SLC22A14: variants seen among roughly 807,000 people sequenced by gnomAD.
SLC22A14 encodes the protein solute carrier family 22 member 14, also known as organic cation transporter-like 4.
In SLC22A14, 50 loss-of-function variants were observed where a neutral mutation model predicts 53.9. That is an observed-to-expected ratio of 0.93 (90% confidence interval 0.74 to 1.17). The LOEUF (loss-of-function observed/expected upper bound fraction) is 1.17, where lower values mean the gene tolerates loss of function less well. Among genes scored for constraint, SLC22A14 ranks in the 50% most tolerant of loss-of-function variants. The pLI is 0.00. For synonymous variants in SLC22A14, 312 were observed against 303.0 expected, an observed-to-expected ratio of 1.03 and a Z score of -0.31; for missense variants, 671 against 734.7, an observed-to-expected ratio of 0.91 and a Z score of 1.00.
chr3:38,291,643 A>T (rs867803831), intron 1 of SLC22A14, among the ~76,000 whole-genome samples: 28 of 152,190 alleles, frequency 1.8e-4, no homozygotes, highest in African/African-American at 4.8e-4. Flanking sequence ...ATGCCACGGG[A>T]TGCAAGCTGA....
At chr3:38,283,854 T>C (rs532280353) in intron 1 of SLC22A14, among the ~76,000 whole-genome samples, 1 of 151,980 alleles carries the variant, frequency 6.6e-6, no homozygotes, top group African/African-American at 2.4e-5. Flanking sequence ...ACAACAACAA[T>C]AATAACAAAA....
Position 38,306,488 on chromosome 3 carries a change from A to G in SLC22A14, c.462A>G (p.Thr154=), listed in dbSNP as rs1189278593. The G allele has an allele frequency of 7.4e-6, 12 of 1,614,080 alleles. No homozygotes were observed. Among genetic ancestry groups the G allele is most frequent in the African/African-American group, 2.7e-5 (2 of 74,932 alleles). Residue 154 remains threonine, a synonymous_variant, in exon 2 of 11, where the codon ACA becomes ACG. Transcript: ENST00000448498. ...AGTTTGGCCTCAATGACACAGACAC[A>G]TGCCAAGATGGGTGGATCTATCCTG... The part of the protein sequence containing the change: ...IIQFGLNDTD[T]CQDGWIYPDA...
chr3:38,285,698 G>T (rs1485682257), intron 1 of SLC22A14, among the ~76,000 whole-genome samples: 2 of 152,156 alleles, frequency 1.3e-5, no homozygotes, highest in Non-Finnish European at 2.9e-5. Flanking sequence ...TTTCATTGAT[G>T]TGCATTTGGG....
chr3:38,305,615 G>A (rs576689819), intron 1 of SLC22A14: 258 of 173,368 alleles, frequency 1.5e-3, no homozygotes, highest in African/African-American at 5.8e-3. Flanking sequence ...CCACCTCCTG[G>A]CTACAGCCGA....
chr3:38,311,958 T>C (rs1313335137), intron 5 of SLC22A14, among the ~76,000 whole-genome samples: 1 of 152,212 alleles, frequency 6.6e-6, no homozygotes, highest in African/African-American at 2.4e-5. Context: ...TGAAGAAGTC[T>C]CAGTTTAATG....
chr3:38,311,231 A>G (rs1376530659), intron 5 of SLC22A14, among the ~76,000 whole-genome samples: 1 of 152,148 alleles, frequency 6.6e-6, no homozygotes, highest in African/African-American at 2.4e-5. Flanking sequence ...CCAATGTACT[A>G]TGGGTGCTGA....
chr3:38,311,653 A>G (rs549437941), intron 5 of SLC22A14, among the ~76,000 whole-genome samples: 5 of 152,274 alleles, frequency 3.3e-5, no homozygotes, highest in African/African-American at 1.2e-4. Context: ...ATCACTTACA[A>G]GTTCCTTCTT....
At chr3:38,288,312 A>G (rs370540512) in intron 1 of SLC22A14, among the ~76,000 whole-genome samples, 57 of 152,302 alleles carry the variant, frequency 3.7e-4, no homozygotes, top group African/African-American at 1.3e-3. Flanking sequence ...TATACACCAC[A>G]CTTTCTTTAT....
chr3:38,313,160 C>T lies in SLC22A14; in HGVS notation c.1065+41C>T, dbSNP rs565333643. The stretch of plus-strand genomic sequence containing the variant: ...CCAGGAGTGGGGCCGGAGCAGTGGG[C>T]TGTGGAAGGGCCCCTTCCCTCCTCA... On this transcript the variant is annotated intron_variant, in intron 6 of 10. Coordinates refer to ENST00000448498, the MANE Select transcript of SLC22A14 (RefSeq NM_001320033.2). 27 of 1,604,276 alleles carry T rather than the reference C, an allele frequency of 1.7e-5. No homozygotes were observed. In the South Asian group the frequency reaches 3.0e-4, roughly 18 times the overall value.
intron 5 of SLC22A14, among the ~76,000 whole-genome samples, chr3:38,309,810 A>G (rs574397131): frequency 4.3e-4 from 65 of 152,320 alleles, no homozygotes; most frequent in African/African-American, 1.5e-3. Flanking sequence ...GAAGGAACCC[A>G]CGTGTGAAGG....
At chr3:38,305,287 C>A (rs1704270810) in intron 1 of SLC22A14, 1 of 152,228 alleles carries the variant, frequency 6.6e-6, no homozygotes, top group South Asian at 2.1e-4. Flanking sequence ...TGATGTACCT[C>A]TGTGAGAGTC....
chr3:38,283,317 G>A (rs1703713640), intron 1 of SLC22A14, among the ~76,000 whole-genome samples: 1 of 152,058 alleles, frequency 6.6e-6, no homozygotes, highest in African/African-American at 2.4e-5. Flanking sequence ...GAGTTCTGAG[G>A]ATTAGGCATA....
At chr3:38,283,705 C>A (rs1333164700) in intron 1 of SLC22A14, among the ~76,000 whole-genome samples, 1 of 152,148 alleles carries the variant, frequency 6.6e-6, no homozygotes, top group Non-Finnish European at 1.5e-5. Flanking sequence ...TGGCTTGCAC[C>A]TGTAGTACCA....
chr3:38,282,872 C>T (rs190611284), intron 1 of SLC22A14, among the ~76,000 whole-genome samples: 54 of 152,330 alleles, frequency 3.5e-4, no homozygotes, highest in Admixed American at 1.2e-3. Flanking sequence ...TACACACATA[C>T]ATCCTGTATT....
chr3:38,298,908 TC>T (rs1441015347), intron 1 of SLC22A14, among the ~76,000 whole-genome samples: 1 of 152,196 alleles, frequency 6.6e-6, no homozygotes, highest in African/African-American at 2.4e-5. Context: ...GCTCTTATTA[TC>T]TACAATATAG....
intron 1 of SLC22A14, among the ~76,000 whole-genome samples, chr3:38,299,216 T>C (rs979867668): frequency 1.3e-5 from 2 of 152,174 alleles, no homozygotes; most frequent in African/African-American, 2.4e-5. Context: ...ATAGGGTGTA[T>C]GTGAAACCTT....
At chr3:38,289,022 A>C (rs1048036289) in intron 1 of SLC22A14, among the ~76,000 whole-genome samples, 15 of 151,878 alleles carry the variant, frequency 9.9e-5, no homozygotes, top group African/African-American at 3.6e-4. Flanking sequence ...TCTACAAAAA[A>C]TAAAAAAATT....
intron 6 of SLC22A14, 89 bp downstream of exon 6, chr3:38,313,208 C>A: frequency 3.9e-6 from 6 of 1,545,724 alleles, no homozygotes; most frequent in East Asian, 4.6e-5. Flanking sequence ...GGACATTGGT[C>A]CAGAGGGTGC....
intron 9 of SLC22A14, 49 bp from the exon 10 acceptor site, chr3:38,316,275 C>A (rs1339811833): frequency 2.6e-6 from 4 of 1,564,536 alleles, no homozygotes; most frequent in Non-Finnish European, 3.5e-6. Context: ...CCCTGCCCAG[C>A]CTCTGAACCC....
Sources: gnomAD v4.1 joint callset for allele counts (sites outside exome capture counted in the v4.1 genomes callset) on GRCh38, gnomAD v4.1.1 for gene constraint, MANE v1.5 for transcripts, NCBI Gene and HGNC (gene_info 2026-07-23, HGNC 2026-07-21) for gene names.